Variants in CP observed in about 807,000 individuals in gnomAD.
CP encodes caeruloplasmin.
Under a neutral mutation model 122.4 loss-of-function variants are expected in CP, and 64 were observed. The ratio of observed to expected loss-of-function variants is 0.52; its 90% CI spans 0.43 to 0.64. The LOEUF (loss-of-function observed/expected upper bound fraction) is 0.64. Among genes scored for constraint, CP ranks in the 30% least tolerant of loss-of-function variants. The pLI is 0.00. For missense variants in CP, 1,167 were observed against 1,284.4 expected (o/e 0.91, Z 1.40); for synonymous variants, 440 against 436.4 (o/e 1.01, Z -0.10).
At chr3:149,177,103 T>C (rs1725468873) in intron 17 of CP, among the ~76,000 whole-genome samples, 1 of 152,112 alleles carries the variant, frequency 6.6e-6, no homozygotes, top group Non-Finnish European at 1.5e-5. Flanking sequence ...TGAGAAAGAA[T>C]AGAAGTAAGA....
At chr3:149,199,935 C>A in intron 7 of CP, 71 bp from the exon 8 acceptor site, 3 of 1,487,402 alleles carry the variant, frequency 2.0e-6, no homozygotes, top group Non-Finnish European at 2.8e-6. Flanking sequence ...TAGTTATCTT[C>A]TTTGACTGTG....
At chr3:149,208,210 G>A (rs1330977387) in intron 4 of CP, among the ~76,000 whole-genome samples, 1 of 152,054 alleles carries the variant, frequency 6.6e-6, no homozygotes, top group African/African-American at 2.4e-5. Flanking sequence ...TCATAGGCAA[G>A]GTGGCCTGAA....
At chr3:149,179,813 T>C in intron 14 of CP, 151 bp from the exon 15 acceptor site, 1 of 628,172 alleles carries the variant, frequency 1.6e-6, no homozygotes, top group Non-Finnish European at 2.8e-6. Flanking sequence ...AAAATTGTGG[T>C]ACTCAAGATT....
At chr3:149,195,340 T>C (rs1447647590) in intron 9 of CP, among the ~76,000 whole-genome samples, 3 of 152,170 alleles carry the variant, frequency 2.0e-5, no homozygotes, top group Non-Finnish European at 4.4e-5. Flanking sequence ...ATCACAAAGG[T>C]ATGCTGGCAA....
At chr3:149,170,269 CTA>C (rs769707156), downstream of CP, among the ~76,000 whole-genome samples, 1 of 152,170 alleles carries the variant, frequency 6.6e-6, no homozygotes, top group Non-Finnish European at 1.5e-5. Flanking sequence ...TTTGTTGACT[CTA>C]TAACAACTCC....
rs147370792 is a variant in CP, at chr3:149,196,386, C to T, written c.1713+1981G>A. ...TGAAAAGTTTTTTCCCATTTTCTTC[C>T]ACTGAAAAGGCCCAGAAACAATTGT... On this transcript the variant is annotated intron_variant, in intron 9 of 18. Coordinates refer to ENST00000264613, the MANE Select transcript of CP (RefSeq NM_000096.4). Among the ~76,000 whole-genome samples, 8 of 152,112 alleles carry T rather than the reference C, an allele frequency of 5.3e-5. No homozygotes were observed. In the East Asian group the frequency reaches 1.5e-3, roughly 29 times the overall value.
intron 17 of CP, chr3:149,176,738 C>A: frequency 7.5e-6 from 2 of 266,658 alleles, no homozygotes; most frequent in Non-Finnish European, 1.4e-5. Context: ...TCAGCTGTGG[C>A]CCCATTTCAG....
chr3:149,204,262 G>T (rs542511829), intron 6 of CP, among the ~76,000 whole-genome samples: 1 of 152,320 alleles, frequency 6.6e-6, no homozygotes, highest in East Asian at 1.9e-4. Context: ...CCCTCTGGCA[G>T]ATGTTTGGAG....
In CP at chr3:149,185,303, C is replaced by T. The variant is rs756768522; in HGVS notation, c.2221G>A (p.Val741Met). Reference protein sequence around the residue: ...ERTYYIAAVEVEWDYSPQREW... With the variant: ...ERTYYIAAVEMEWDYSPQREW... ...CTTTGTGGGGAATAATCCCATTCCACCTCCACTGCTGCGATATAGTATGTC... is the reference window on the plus strand; with the variant it reads ...CTTTGTGGGGAATAATCCCATTCCATCTCCACTGCTGCGATATAGTATGTC... The change falls in exon 12 of 19, where the codon GTG becomes ATG. Residue 741 changes from valine to methionine, a missense_variant. By Grantham distance (21) the Val-to-Met change is conservative (BLOSUM62 1). This residue lies in a region of CP where 525 missense variants were observed against 657.2 expected (regional missense o/e 0.80). Coordinates refer to ENST00000264613, the MANE Select transcript of CP (RefSeq NM_000096.4). 12 of 1,613,930 alleles carry T rather than the reference C, an allele frequency of 7.4e-6. No homozygotes were observed. The highest frequency in any genetic ancestry group is 1.3e-5 in the African/African-American group (1 of 74,892).
At chr3:149,189,065 A>G (rs1210698726) in intron 9 of CP, among the ~76,000 whole-genome samples, 1 of 152,220 alleles carries the variant, frequency 6.6e-6, no homozygotes, top group African/African-American at 2.4e-5. Flanking sequence ...AAAAATATAC[A>G]CATTGTAATA....
chr3:149,185,189 G>C (rs746748180), intron 12 of CP, 50 bp downstream of exon 12: 6 of 1,590,316 alleles, frequency 3.8e-6, no homozygotes, highest in Non-Finnish European at 5.2e-6. Context: ...TCTCTGAAAA[G>C]GAAACCTAAA....
At chr3:149,166,683 C>T (rs1004213175) in intron 4 of CP, among the ~76,000 whole-genome samples, 11 of 152,058 alleles carry the variant, frequency 7.2e-5, no homozygotes, top group African/African-American at 9.7e-5. Flanking sequence ...AATACTCTTG[C>T]GGTGAACATC....
chr3:149,211,709 G>A (rs1417957996), intron 2 of CP, among the ~76,000 whole-genome samples: 2 of 152,210 alleles, frequency 1.3e-5, no homozygotes, highest in East Asian at 3.8e-4. Flanking sequence ...GTTAGGATGG[G>A]AGGTAACAAC....
chr3:149,188,170 A>G lies in CP; in HGVS notation c.1746T>C (p.Pro582=), dbSNP rs1474379325. ...KDVDKEFYLF[P]TVFDENESLL... ...AACTCTCATTCTCATCAAATACTGT[A>G]GGAAACAAATAGAATTCCTTGTCTA... The change falls in exon 10 of 19, where the codon CCT becomes CCC. Residue 582 remains proline, a synonymous_variant. Transcript: ENST00000264613. 1 of 1,612,448 alleles carries G rather than the reference A, an allele frequency of 6.2e-7. No homozygotes were observed. Among genetic ancestry groups the G allele is most frequent in the African/African-American group, 1.3e-5 (1 of 74,912 alleles).
At chr3:149,198,282 A>C in intron 9 of CP, 85 bp downstream of exon 9, 1 of 1,066,996 alleles carries the variant, frequency 9.4e-7, no homozygotes, top group South Asian at 1.3e-5. Flanking sequence ...TTTTGGAGAT[A>C]ATGATGAGGT....
chr3:149,185,642 T>G (rs1209514948), intron 11 of CP, among the ~76,000 whole-genome samples, 196 bp from the exon 12 acceptor site: 1 of 152,170 alleles, frequency 6.6e-6, no homozygotes, highest in East Asian at 1.9e-4. Flanking sequence ...TTGGGAACTT[T>G]GCACTTGCTG....
rs1026970816 is a variant in CP at position 149,166,022 on chromosome 3, C to T, written c.615G>A (p.Trp205Ter). Residue 205 changes from tryptophan to a stop codon, truncating the protein, a stop_gained, in exon 5 of 6, where the codon TGG (tryptophan) becomes TGA (stop). Transcript: ENST00000479771. LOFTEE classifies it high-confidence loss of function. ...TGACTGTGATTGGGTAGATCACATT[C>T]CATATTCTCCTGTGAGTCTCAGAAG... 38 of 456,010 alleles carry T rather than the reference C, an allele frequency of 8.3e-5. No homozygotes were observed. Among genetic ancestry groups the T allele is most frequent in the Admixed American group, 1.9e-4 (8 of 42,504 alleles). 28.2% of individuals were successfully genotyped at this position (456,010 alleles called of 1,614,324 possible).
chr3:149,206,630 GAGAAAA>G (rs1727743513), intron 5 of CP, among the ~76,000 whole-genome samples: 1 of 152,132 alleles, frequency 6.6e-6, no homozygotes, highest in Admixed American at 6.5e-5. Context: ...CTTTCAATGA[GAGAAAA>G]AGAACAAATC....
chr3:149,209,079 A>G (rs1727934797), intron 4 of CP, 132 bp downstream of exon 4: 1 of 1,162,398 alleles, frequency 8.6e-7, no homozygotes, highest in Admixed American at 2.3e-5. Context: ...ATCAAATTGC[A>G]CATCCAATAT....
Sources: allele counts gnomAD v4.1 joint callset (sites outside exome capture counted in the v4.1 genomes callset), GRCh38; gene constraint gnomAD v4.1.1; regional missense constraint gnomAD v4.1.1; transcripts MANE v1.5; gene names NCBI Gene and HGNC (gene_info 2026-07-23, HGNC 2026-07-21).